Variants in HDAC9 observed in about 807,000 individuals in gnomAD.
The protein encoded by HDAC9 is MEF-2 interacting transcription repressor (MITR) protein.
In HDAC9, 41 loss-of-function variants were observed where a neutral mutation model predicts 139.4. The ratio of observed to expected loss-of-function variants is 0.29; its 90% CI spans 0.23 to 0.38. The LOEUF (loss-of-function observed/expected upper bound fraction) is 0.38, where lower values mean the gene tolerates loss of function less well. Ranked by LOEUF, HDAC9 falls within the 10% of genes least tolerant of loss-of-function variation. The pLI is 1.00. For synonymous variants in HDAC9, 517 were observed against 476.2 expected (o/e 1.09, Z -1.12); for missense variants, 1,147 against 1,297.0 (o/e 0.88, Z 1.78).
intron 24 of HDAC9, among the ~76,000 whole-genome samples, chr7:18,972,710 A>G (rs999995511): frequency 4.9e-4 from 74 of 152,060 alleles, no homozygotes; most frequent in African/African-American, 1.5e-3. Context: ...ATACTCTTCA[A>G]TTAGCCGTGT....
intron 16 of HDAC9, among the ~76,000 whole-genome samples, chr7:18,786,380 T>C (rs1162106498): frequency 1.3e-5 from 2 of 152,156 alleles, no homozygotes; most frequent in East Asian, 3.9e-4. Context: ...CTAATTATTT[T>C]AGGAGCTTCA....
chr7:18,786,618 C>CTTT (rs1562940727), intron 16 of HDAC9, among the ~76,000 whole-genome samples: 2 of 84,286 alleles, frequency 2.4e-5, no homozygotes, highest in African/African-American at 5.5e-5. Flanking sequence ...TCCTTCCTTC[C>CTTT]CTCCCTCCCT....
In HDAC9 at chr7:18,904,361, G is replaced by A. The variant is rs186970967; in HGVS notation, c.2803+29765G>A. 2.6e-3 allele frequency among the ~76,000 whole-genome samples: 398 copies of A among 152,180 alleles called. 8 individuals are homozygous for A. Among genetic ancestry groups the A allele is most frequent in the Admixed American group, 0.022 (340 of 15,290 alleles). ...TTATCTATGATGATCAGGGTGCTGC[G>A]TTGCCACTGTAATGATAAAGTGTGT... On this transcript the variant is annotated intron_variant, in intron 22 of 25. Transcript: ENST00000686413.
intron 23 of HDAC9, among the ~76,000 whole-genome samples, chr7:18,937,579 G>T (rs1781733109): frequency 6.6e-6 from 1 of 151,942 alleles, no homozygotes; most frequent in Non-Finnish European, 1.5e-5. Flanking sequence ...TTGATGTTGG[G>T]GTGCTTCTTT....
chr7:18,697,884 G>C (rs1409484509), intron 12 of HDAC9, among the ~76,000 whole-genome samples: 1 of 152,074 alleles, frequency 6.6e-6, no homozygotes, highest in Middle Eastern at 3.2e-3. Context: ...AGGGAGGCAT[G>C]ATGAGGGTGA....
At chr7:18,741,630 G>GAGT (rs80011235) in intron 13 of HDAC9, among the ~76,000 whole-genome samples, 27,295 of 152,088 alleles carry the variant, frequency 0.18, 3,105 homozygotes, top group East Asian at 0.55. Context: ...ATAGATCAAG[G>GAGT]AGTCTTTTAA....
chr7:18,678,845 C>T (rs559247184), intron 12 of HDAC9, among the ~76,000 whole-genome samples: 205 of 151,814 alleles, frequency 1.4e-3, no homozygotes, highest in Non-Finnish European at 2.7e-3. Context: ...AATTTGCTGT[C>T]TTTCTTTAAA....
At chr7:18,558,990 C>T (rs1177598711) in intron 2 of HDAC9, among the ~76,000 whole-genome samples, 1 of 152,084 alleles carries the variant, frequency 6.6e-6, no homozygotes, top group African/African-American at 2.4e-5. Flanking sequence ...CAGGGAAATG[C>T]CTTCCATGTT....
intron 22 of HDAC9, among the ~76,000 whole-genome samples, chr7:18,903,414 A>G (rs1311222952): frequency 6.6e-6 from 1 of 152,112 alleles, no homozygotes; most frequent in Non-Finnish European, 1.5e-5. Context: ...GTTTTAATCC[A>G]TTTTCATCTT....
At chr7:18,503,904 T>C (rs1799051460) in intron 2 of HDAC9, among the ~76,000 whole-genome samples, 1 of 152,206 alleles carries the variant, frequency 6.6e-6, no homozygotes, top group Non-Finnish European at 1.5e-5. Context: ...AATGAGAATG[T>C]CATGAAGTTG....
At chr7:18,336,757 A>G (rs1412504927) in intron 1 of HDAC9, among the ~76,000 whole-genome samples, 2 of 151,614 alleles carry the variant, frequency 1.3e-5, no homozygotes, top group South Asian at 2.1e-4. Flanking sequence ...GAGGAAGCCA[A>G]TTGAACGTTA....
At chr7:18,768,948 A>G (rs1460150354) in intron 16 of HDAC9, among the ~76,000 whole-genome samples, 1 of 152,188 alleles carries the variant, frequency 6.6e-6, no homozygotes, top group Non-Finnish European at 1.5e-5. Flanking sequence ...TTTGTGTTAG[A>G]TGCTTTTGCC....
chr7:18,549,243 A>G (rs1202257114), intron 2 of HDAC9, among the ~76,000 whole-genome samples: 2 of 152,206 alleles, frequency 1.3e-5, no homozygotes, highest in Non-Finnish European at 2.9e-5. Context: ...TCTGAAATAA[A>G]TAAATAAACA....
At chr7:18,619,110 T>G (rs757840425) in intron 6 of HDAC9, among the ~76,000 whole-genome samples, 2 of 152,150 alleles carry the variant, frequency 1.3e-5, no homozygotes, top group Non-Finnish European at 2.9e-5. Context: ...ATAAAGGAGT[T>G]AGCATATGAA....
At chr7:18,411,791 G>T (rs1788575872) in intron 1 of HDAC9, among the ~76,000 whole-genome samples, 1 of 145,726 alleles carries the variant, frequency 6.9e-6, no homozygotes, top group Non-Finnish European at 1.5e-5. Context: ...CAGTAGGTTT[G>T]GTGTACTAAA....
chr7:18,186,494 A>T (rs997043121), intron 2 of HDAC9, among the ~76,000 whole-genome samples: 1 of 152,220 alleles, frequency 6.6e-6, no homozygotes, highest in Non-Finnish European at 1.5e-5. Context: ...CCCAAAGCCC[A>T]TAAGACTCTG....
intron 6 of HDAC9, among the ~76,000 whole-genome samples, chr7:18,604,215 C>T (rs1490863825): frequency 6.6e-6 from 1 of 152,110 alleles, no homozygotes; most frequent in East Asian, 1.9e-4. Flanking sequence ...TTCTTTCTCT[C>T]TTTCTTGTTA....
At chr7:18,274,546 C>T (rs535554408) in intron 2 of HDAC9, among the ~76,000 whole-genome samples, 3 of 152,202 alleles carry the variant, frequency 2.0e-5, no homozygotes, top group Non-Finnish European at 4.4e-5. Flanking sequence ...GGCCCTACCT[C>T]CCAACACTGC....
At chr7:18,390,396 A>G (rs886759969) in intron 1 of HDAC9, among the ~76,000 whole-genome samples, 1 of 152,072 alleles carries the variant, frequency 6.6e-6, no homozygotes, top group Non-Finnish European at 1.5e-5. Flanking sequence ...CACAGCAACC[A>G]TTGGTTCCTA....
Sources: gnomAD v4.1 joint callset for allele counts (sites outside exome capture counted in the v4.1 genomes callset) on GRCh38, gnomAD v4.1.1 for gene constraint, MANE v1.5 for transcripts, NCBI Gene and HGNC (gene_info 2026-07-23, HGNC 2026-07-21) for gene names.